The following DPP4 variants were observed in gnomAD, a reference collection of about 807,000 sequenced individuals.
The protein encoded by DPP4 is dipeptidyl peptidase 4, also known as ADCP-2.
A neutral mutation model predicts 122.4 loss-of-function variants in DPP4; 93 were observed. The observed-to-expected ratio is 0.76, with a 90% CI of 0.64 to 0.90. DPP4 has a LOEUF of 0.90. Ranked by LOEUF, DPP4 falls within the 40% of genes least tolerant of loss-of-function variation. The probability of loss-of-function intolerance (pLI) is 0.00; values close to 1 mark genes in which losing one functional copy is unlikely to be tolerated. For synonymous variants in DPP4, 321 were observed against 302.9 expected (o/e 1.06, Z -0.62); for missense variants, 914 against 907.3 (o/e 1.01, Z -0.09).
At chr2:162,069,815 G>C (rs1250070235) in intron 2 of DPP4, among the ~76,000 whole-genome samples, 1 of 151,994 alleles carries the variant, frequency 6.6e-6, no homozygotes, top group East Asian at 1.9e-4. Flanking sequence ...CTTCACATTT[G>C]GGTTTTCTCT....
intron 5 of DPP4, among the ~76,000 whole-genome samples, chr2:162,040,318 A>G (rs967267079): frequency 1.3e-4 from 20 of 152,154 alleles, no homozygotes; most frequent in African/African-American, 4.8e-4. Context: ...ATGTCATTCA[A>G]CAGGTGAGTG....
At chr2:162,032,628 G>A (rs1322861316) in intron 10 of DPP4, among the ~76,000 whole-genome samples, 7 of 151,820 alleles carry the variant, frequency 4.6e-5, no homozygotes, top group Non-Finnish European at 1.0e-4. Flanking sequence ...GCAGTGAGCC[G>A]AGATGGCATC....
intron 9 of DPP4, 52 bp downstream of exon 9, chr2:162,035,112 C>G: frequency 6.5e-7 from 1 of 1,534,932 alleles, no homozygotes; most frequent in South Asian, 1.3e-5. Context: ...TTAAATGAAA[C>G]CATTCTCTTC....
At chr2:162,063,785 G>A (rs1684862256) in intron 2 of DPP4, among the ~76,000 whole-genome samples, 1 of 152,164 alleles carries the variant, frequency 6.6e-6, no homozygotes, top group Admixed American at 6.5e-5. Context: ...TTGTGGTAAA[G>A]AGAGCAGAGA....
chr2:161,998,950 AG>A (rs1412032338), intron 23 of DPP4, among the ~76,000 whole-genome samples: 2 of 152,238 alleles, frequency 1.3e-5, no homozygotes, highest in African/African-American at 2.4e-5. Context: ...ATAAAACAAA[AG>A]CTTCCCCTGC....
intron 23 of DPP4, among the ~76,000 whole-genome samples, chr2:162,004,789 T>C (rs1701240067): frequency 6.6e-6 from 1 of 152,246 alleles, no homozygotes; most frequent in South Asian, 2.1e-4. Context: ...CAGAGCAATG[T>C]ATTAATATGA....
At chr2:162,028,746 T>G (rs908157405) in intron 10 of DPP4, among the ~76,000 whole-genome samples, 1 of 152,238 alleles carries the variant, frequency 6.6e-6, no homozygotes, top group Admixed American at 6.5e-5. Flanking sequence ...GTCTACTATG[T>G]GCCAGGAACT....
chr2:162,025,593 C>T (rs1229399959), intron 10 of DPP4, among the ~76,000 whole-genome samples: 1 of 152,078 alleles, frequency 6.6e-6, no homozygotes, highest in African/African-American at 2.4e-5. Context: ...GTGCATCCTC[C>T]CCAACACATA....
chr2:162,003,192 G>A (rs2106078317), intron 23 of DPP4, among the ~76,000 whole-genome samples: 1 of 152,274 alleles, frequency 6.6e-6, no homozygotes, highest in African/African-American at 2.4e-5. Flanking sequence ...TGCACCCAGT[G>A]TGCGTGTGTT....
chr2:162,020,362 TG>T, intron 13 of DPP4, 66 bp from the exon 14 acceptor site: 1 of 1,279,910 alleles, frequency 7.8e-7, no homozygotes, highest in Non-Finnish European at 1.1e-6. Context: ...CTGTTCAAAG[TG>T]GAGGATTAAA....
intron 23 of DPP4, among the ~76,000 whole-genome samples, chr2:162,002,478 T>C (rs1035024565): frequency 1.3e-5 from 2 of 152,226 alleles, no homozygotes; most frequent in Non-Finnish European, 2.9e-5. Flanking sequence ...CCTTACTTGT[T>C]ACACACTTTG....
At chr2:162,033,352 T>A (rs983336697) in intron 10 of DPP4, among the ~76,000 whole-genome samples, 189 bp downstream of exon 10, 1 of 152,178 alleles carries the variant, frequency 6.6e-6, no homozygotes, top group African/African-American at 2.4e-5. Flanking sequence ...CATCCTCATC[T>A]CTAGAGTTGT....
At chr2:162,054,904 C>A (rs1431715835) in intron 2 of DPP4, among the ~76,000 whole-genome samples, 1 of 152,102 alleles carries the variant, frequency 6.6e-6, no homozygotes, top group East Asian at 1.9e-4. Context: ...TAATGTATGT[C>A]ATATGCTTAG....
intron 10 of DPP4, among the ~76,000 whole-genome samples, chr2:162,027,971 AT>A (rs1424054852): frequency 6.6e-6 from 1 of 151,658 alleles, no homozygotes; most frequent in African/African-American, 2.4e-5. Flanking sequence ...GCAGACAGGA[AT>A]TTTTGAATTT....
At chr2:162,029,758 G>A (rs766384688) in intron 10 of DPP4, among the ~76,000 whole-genome samples, 27 of 152,074 alleles carry the variant, frequency 1.8e-4, no homozygotes, top group Admixed American at 4.6e-4. Context: ...TTCAACAGAT[G>A]TTGGGTGGGG....
chr2:162,043,411 A>G (rs1242697018), intron 5 of DPP4, among the ~76,000 whole-genome samples: 1 of 152,202 alleles, frequency 6.6e-6, no homozygotes, highest in Non-Finnish European at 1.5e-5. Flanking sequence ...TAAAAGTAGT[A>G]CTTTCGATAC....
At chr2:162,009,476 G>A (rs982540789) in intron 20 of DPP4, among the ~76,000 whole-genome samples, 181 bp from the exon 21 acceptor site, 1 of 151,314 alleles carries the variant, frequency 6.6e-6, no homozygotes, top group Non-Finnish European at 1.5e-5. Context: ...CTAAGATCCA[G>A]ATGAACATGG....
chr2:162,030,676 G>C (rs954116620), intron 10 of DPP4, among the ~76,000 whole-genome samples: 1 of 152,168 alleles, frequency 6.6e-6, no homozygotes, highest in Non-Finnish European at 1.5e-5. Flanking sequence ...AGCATCTAGA[G>C]TCTAGTTCTA....
chr2:162,038,882 G>A, intron 7 of DPP4, 67 bp downstream of exon 7: 1 of 1,352,424 alleles, frequency 7.4e-7, no homozygotes, highest in Non-Finnish European at 1.1e-6. Context: ...TTGTATCAGG[G>A]TTAGTAACTT....
Sources: gnomAD v4.1 joint callset for allele counts (sites outside exome capture counted in the v4.1 genomes callset) on GRCh38, gnomAD v4.1.1 for gene constraint, MANE v1.5 for transcripts, NCBI Gene and HGNC (gene_info 2026-07-23, HGNC 2026-07-21) for gene names.